LARGE1: variants seen among roughly 807,000 people sequenced by gnomAD.
LARGE1 encodes xylosyl- and glucuronyltransferase LARGE1.
Under a neutral mutation model 87.6 loss-of-function variants are expected in LARGE1, and 43 were observed. The ratio of observed to expected loss-of-function variants is 0.49; its 90% confidence interval spans 0.38 to 0.63. The LOEUF (loss-of-function observed/expected upper bound fraction) is 0.63, where lower values mean the gene tolerates loss of function less well. LARGE1 is among the 30% of genes least tolerant of loss of function. The pLI is 0.00. For synonymous variants in LARGE1, 434 were observed against 394.6 expected (o/e 1.10, Z -1.18); for missense variants, 802 against 1,000.2 (o/e 0.80, Z 2.67).
chr22:33,136,650 C>A, the LARGE1 span, among the ~76,000 whole-genome samples: 1 of 152,120 alleles, frequency 6.6e-6, no homozygotes, highest in Admixed American at 6.5e-5. Context: ...ACAGGAAACA[C>A]CTGAGCAAGC....
At chr22:33,875,513 C>T (rs1449662652) in intron 1 of LARGE1, among the ~76,000 whole-genome samples, 2 of 152,192 alleles carry the variant, frequency 1.3e-5, no homozygotes, top group East Asian at 1.9e-4. Context: ...AAGGGGACTC[C>T]AGGCTGAGCA....
intron 2 of LARGE1, among the ~76,000 whole-genome samples, chr22:33,654,817 C>T: frequency 2.0e-5 from 3 of 152,328 alleles, no homozygotes; most frequent in Middle Eastern, 3.4e-3. Flanking sequence ...GCAAGAGAGG[C>T]ATGGAAGCAC....
intron 5 of LARGE1, among the ~76,000 whole-genome samples, chr22:33,579,039 T>G (rs2078435020): frequency 6.6e-6 from 1 of 152,180 alleles, no homozygotes; most frequent in Non-Finnish European, 1.5e-5. Flanking sequence ...GAAACATATG[T>G]CCAGACCCAG....
intron 13 of LARGE1, 64 bp downstream of exon 13, chr22:33,283,138 T>C: frequency 1.2e-6 from 2 of 1,603,724 alleles, no homozygotes; most frequent in Non-Finnish European, 1.7e-6. Context: ...CTTTGGCATC[T>C]GGGTTTCCCA....
intron 6 of LARGE1, among the ~76,000 whole-genome samples, chr22:33,443,590 G>C (rs1041774943): frequency 3.3e-5 from 5 of 152,136 alleles, no homozygotes; most frequent in African/African-American, 1.2e-4. Flanking sequence ...GAGAAGGAAG[G>C]CCCAAGATGC....
At chr22:33,301,885 A>G (rs1400081331) in intron 12 of LARGE1, among the ~76,000 whole-genome samples, 1 of 152,176 alleles carries the variant, frequency 6.6e-6, no homozygotes, top group Non-Finnish European at 1.5e-5. Context: ...ATAGAAAGAC[A>G]AAGAAAAAAA....
chr22:33,653,560 G>A (rs190248484), intron 2 of LARGE1, among the ~76,000 whole-genome samples: 4 of 152,252 alleles, frequency 2.6e-5, no homozygotes, highest in South Asian at 4.2e-4. Flanking sequence ...TCTGAGCTTC[G>A]ATTTTTTCTT....
intron 3 of LARGE1, among the ~76,000 whole-genome samples, chr22:33,649,440 A>G (rs776656975): frequency 6.6e-6 from 1 of 152,242 alleles, no homozygotes; most frequent in Non-Finnish European, 1.5e-5. Context: ...TTTAACTAAG[A>G]ATAGTAAAAA....
intron 5 of LARGE1, among the ~76,000 whole-genome samples, chr22:33,593,832 T>C (rs1461974225): frequency 6.6e-6 from 1 of 152,226 alleles, no homozygotes; most frequent in African/African-American, 2.4e-5. Context: ...CTTTTCAGAA[T>C]GTGACTACTG....
intron 5 of LARGE1, among the ~76,000 whole-genome samples, chr22:33,566,469 T>C (rs1034624292): frequency 6.6e-6 from 1 of 152,202 alleles, no homozygotes; most frequent in East Asian, 1.9e-4. Flanking sequence ...TGTGCGGAGC[T>C]GGCTCCTTCC....
At chr22:33,848,455 C>T (rs920292126) in intron 1 of LARGE1, among the ~76,000 whole-genome samples, 1 of 152,086 alleles carries the variant, frequency 6.6e-6, no homozygotes, top group Non-Finnish European at 1.5e-5. Flanking sequence ...TGCACCCCTG[C>T]AGGCCACTGA....
intron 2 of LARGE1, among the ~76,000 whole-genome samples, chr22:33,686,682 G>A (rs2081954277): frequency 2.0e-5 from 3 of 152,020 alleles, no homozygotes; most frequent in Admixed American, 2.0e-4. Flanking sequence ...GCCATGCTTT[G>A]GTCTTGGGGA....
intron 4 of LARGE1, among the ~76,000 whole-genome samples, chr22:33,606,970 C>A (rs1017366361): frequency 3.9e-5 from 6 of 152,242 alleles, no homozygotes; most frequent in Admixed American, 6.5e-5. Context: ...GTCTACACCC[C>A]CCATGTGAGC....
intron 9 of LARGE1, among the ~76,000 whole-genome samples, chr22:33,368,972 T>C (rs757314314): frequency 6.6e-6 from 1 of 151,936 alleles, no homozygotes; most frequent in Non-Finnish European, 1.5e-5. Flanking sequence ...CTGATCAGGG[T>C]GGTGGTTGTT....
intron 1 of LARGE1, among the ~76,000 whole-genome samples, chr22:33,851,094 TA>T (rs2063570909): frequency 6.6e-6 from 1 of 152,224 alleles, no homozygotes; most frequent in African/African-American, 2.4e-5. Flanking sequence ...AGCCAGGCCT[TA>T]CACTTTTCCA....
intron 4 of LARGE1, among the ~76,000 whole-genome samples, chr22:33,604,964 C>T (rs1602672706): frequency 6.6e-6 from 1 of 151,992 alleles, no homozygotes; most frequent in South Asian, 2.1e-4. Context: ...AGACTGGCTG[C>T]AGGCGGCTGG....
the LARGE1 span, among the ~76,000 whole-genome samples, chr22:33,095,531 G>A: frequency 6.6e-6 from 1 of 152,282 alleles, no homozygotes; most frequent in Non-Finnish European, 1.5e-5. Flanking sequence ...GGTAGCGGGA[G>A]GGTTAAGACT....
chr22:33,727,262 T>G (rs2083299986), intron 2 of LARGE1, among the ~76,000 whole-genome samples: 1 of 152,186 alleles, frequency 6.6e-6, no homozygotes, highest in South Asian at 2.1e-4. Context: ...AGTAACAGCC[T>G]GAGCTGGTTT....
At chr22:33,800,716 C>T (rs958601589) in intron 1 of LARGE1, among the ~76,000 whole-genome samples, 5 of 152,252 alleles carry the variant, frequency 3.3e-5, no homozygotes, top group East Asian at 3.9e-4. Flanking sequence ...AGTTATTGCA[C>T]GCATCAAGTT....
Sources: gnomAD v4.1 joint callset for allele counts (sites outside exome capture counted in the v4.1 genomes callset) on GRCh38, gnomAD v4.1.1 for gene constraint, MANE v1.5 for transcripts, NCBI Gene and HGNC (gene_info 2026-07-23, HGNC 2026-07-21) for gene names.